The following ARL15 variants were observed in gnomAD, a reference collection of about 807,000 sequenced individuals.
ARL15 encodes the protein ARF like GTPase 15.
ARL15 carries 19 observed loss-of-function variants against 25.2 expected under a neutral mutation model. That is an observed-to-expected ratio of 0.75 (90% confidence interval 0.53 to 1.10). ARL15 has a LOEUF of 1.10. Ranked by LOEUF, ARL15 falls within the 50% of genes least tolerant of loss-of-function variation. ARL15 has a pLI of 0.00. For synonymous variants in ARL15, 94 were observed against 86.8 expected, an observed-to-expected ratio of 1.08 and a Z score of -0.46; for missense variants, 220 against 246.0, an observed-to-expected ratio of 0.89 and a Z score of 0.71.
At chr5:53,898,818 A>C (rs1561140727) in intron 4 of ARL15, among the ~76,000 whole-genome samples, 1 of 151,392 alleles carries the variant, frequency 6.6e-6, no homozygotes, top group African/African-American at 2.4e-5. Flanking sequence ...ATGCCTGGCT[A>C]ATTTTTGTAT....
intron 4 of ARL15, among the ~76,000 whole-genome samples, chr5:54,008,852 T>C (rs1401147580): frequency 5.3e-5 from 8 of 152,224 alleles, no homozygotes; most frequent in African/African-American, 1.9e-4. Context: ...AAAATGTCAT[T>C]AACTGGAAAT....
chr5:54,187,923 G>A (rs1222447729), intron 1 of ARL15, among the ~76,000 whole-genome samples: 2 of 152,172 alleles, frequency 1.3e-5, no homozygotes, highest in Non-Finnish European at 2.9e-5. Flanking sequence ...CTGGGCTATT[G>A]TTTGTCACTA....
chr5:53,888,799 G>C (rs1285855400), intron 4 of ARL15, among the ~76,000 whole-genome samples: 1 of 152,158 alleles, frequency 6.6e-6, no homozygotes, highest in Non-Finnish European at 1.5e-5. Context: ...AGGAGGGACT[G>C]GTAGGGAATC....
intron 4 of ARL15, among the ~76,000 whole-genome samples, chr5:53,911,635 AC>A (rs900101857): frequency 2.0e-5 from 3 of 152,066 alleles, no homozygotes; most frequent in African/African-American, 7.2e-5. Flanking sequence ...TGCACCCATC[AC>A]CTGGGCAGTG....
At chr5:54,070,519 G>C (rs1346635336) in intron 4 of ARL15, among the ~76,000 whole-genome samples, 22 of 152,002 alleles carry the variant, frequency 1.4e-4, no homozygotes, top group Admixed American at 1.4e-3. Context: ...CCTCCACCTT[G>C]GGCTTCCCAG....
intron 1 of ARL15, among the ~76,000 whole-genome samples, chr5:54,297,224 G>A (rs1758489942): frequency 6.6e-6 from 1 of 152,200 alleles, no homozygotes; most frequent in Admixed American, 6.5e-5. Flanking sequence ...CCCCCTCAAG[G>A]GACTCAGTTG....
intron 4 of ARL15, among the ~76,000 whole-genome samples, chr5:53,924,681 C>G (rs1745964195): frequency 6.6e-6 from 1 of 152,214 alleles, no homozygotes; most frequent in Non-Finnish European, 1.5e-5. Context: ...CACCGTAACT[C>G]CCCATGCCCC....
chr5:54,293,828 C>CT (rs10560291), intron 1 of ARL15, among the ~76,000 whole-genome samples: 1,579 of 148,290 alleles, frequency 0.011, 20 homozygotes, highest in Middle Eastern at 0.063. Flanking sequence ...TCATATCATC[C>CT]TTTTTTTTTT....
chr5:54,085,085 G>A (rs563542309), intron 4 of ARL15, among the ~76,000 whole-genome samples: 43 of 152,286 alleles, frequency 2.8e-4, no homozygotes, highest in South Asian at 6.2e-4. Flanking sequence ...TACATTTTGC[G>A]TAAGGCTGCA....
intron 1 of ARL15, among the ~76,000 whole-genome samples, chr5:54,223,250 C>T (rs1756428368): frequency 2.0e-5 from 3 of 151,808 alleles, no homozygotes; most frequent in South Asian, 4.2e-4. Context: ...TTAAAATTTA[C>T]ATCATGTAAA....
intron 4 of ARL15, chr5:53,887,338 G>C (rs1418960303): frequency 1.4e-6 from 1 of 699,876 alleles, no homozygotes; most frequent in African/African-American, 1.8e-5. Context: ...TTACATATAT[G>C]CGTAAAATCT....
intron 4 of ARL15, among the ~76,000 whole-genome samples, chr5:53,905,828 A>G (rs534950905): frequency 6.6e-6 from 1 of 152,340 alleles, no homozygotes; most frequent in Non-Finnish European, 1.5e-5. Flanking sequence ...TAATAACAAA[A>G]CAATTCTAAA....
intron 4 of ARL15, among the ~76,000 whole-genome samples, chr5:53,911,649 C>T (rs1745468376): frequency 6.6e-6 from 1 of 152,074 alleles, no homozygotes; most frequent in Admixed American, 6.6e-5. Context: ...GGGCAGTGTA[C>T]ACTGTACCCA....
intron 4 of ARL15, among the ~76,000 whole-genome samples, chr5:53,909,445 G>A (rs1025524482): frequency 5.9e-5 from 9 of 152,146 alleles, no homozygotes; most frequent in African/African-American, 9.7e-5. Flanking sequence ...GGTGGCTCAC[G>A]CCAGTAATCC....
intron 4 of ARL15, among the ~76,000 whole-genome samples, chr5:53,956,654 T>C (rs569029577): frequency 6.6e-6 from 1 of 151,382 alleles, no homozygotes; most frequent in Non-Finnish European, 1.5e-5. Flanking sequence ...CATGAACAAA[T>C]AGAGAATATC....
intron 1 of ARL15, among the ~76,000 whole-genome samples, chr5:54,197,914 G>A (rs4865806): frequency 0.46 from 69,126 of 151,714 alleles, 16,124 homozygotes; most frequent in Admixed American, 0.53. Context: ...CTGGCAAACC[G>A]AATCCAGCAG....
At chr5:54,103,189 ATG>A (rs1481376979) in intron 4 of ARL15, among the ~76,000 whole-genome samples, 1 of 152,100 alleles carries the variant, frequency 6.6e-6, no homozygotes, top group Non-Finnish European at 1.5e-5. Context: ...AAATATTTAT[ATG>A]TGTACCAATT....
chr5:54,129,846 T>C (rs1368819618), intron 3 of ARL15, among the ~76,000 whole-genome samples: 1 of 152,216 alleles, frequency 6.6e-6, no homozygotes, highest in Non-Finnish European at 1.5e-5. Flanking sequence ...ATCTAAAAGA[T>C]GAGAATTCTT....
chr5:54,026,263 A>G (rs1749784044), intron 4 of ARL15, among the ~76,000 whole-genome samples: 1 of 152,022 alleles, frequency 6.6e-6, no homozygotes, highest in Admixed American at 6.6e-5. Flanking sequence ...ATAGCTTTCA[A>G]TTTATTTTCT....
Sources: allele counts gnomAD v4.1 joint callset (sites outside exome capture counted in the v4.1 genomes callset), GRCh38; gene constraint gnomAD v4.1.1; transcripts MANE v1.5; gene names NCBI Gene and HGNC (gene_info 2026-07-23, HGNC 2026-07-21).